The following SLC16A7 variants were observed in gnomAD, a reference collection of about 807,000 sequenced individuals.
The protein encoded by SLC16A7 is solute carrier family 16 member 7, also known as monocarboxylate transporter 2.
In SLC16A7, 33 loss-of-function variants were observed where a neutral mutation model predicts 34.9. The ratio of observed to expected loss-of-function variants is 0.94; its 90% CI spans 0.72 to 1.26. SLC16A7 has a LOEUF of 1.26. SLC16A7 is among the 50% of genes most tolerant of loss of function. The pLI, the probability that SLC16A7 is intolerant of heterozygous loss-of-function variation, is 0.00. For missense variants in SLC16A7, 573 were observed against 578.1 expected (o/e 0.99, Z 0.09); for synonymous variants, 201 against 206.6 (o/e 0.97, Z 0.23).
intron 3 of SLC16A7, among the ~76,000 whole-genome samples, chr12:59,769,738 A>G (rs919159069): frequency 1.3e-5 from 2 of 152,112 alleles, no homozygotes; most frequent in African/African-American, 4.8e-5. Context: ...GTGAATCTCA[A>G]TGTGTTTTAT....
At chr12:59,770,298 C>G (rs1378201813) in intron 3 of SLC16A7, among the ~76,000 whole-genome samples, 1 of 152,074 alleles carries the variant, frequency 6.6e-6, no homozygotes, top group African/African-American at 2.4e-5. Flanking sequence ...TCTGAGTTTT[C>G]AACATTCACA....
chr12:59,745,658 A>G (rs1878814168), intron 3 of SLC16A7, among the ~76,000 whole-genome samples: 1 of 152,224 alleles, frequency 6.6e-6, no homozygotes. Flanking sequence ...TGATACACGC[A>G]CACATAAAAA....
In SLC16A7 at chr12:59,775,282, C is replaced by G; in HGVS notation, c.987C>G (p.Leu329=). The G allele has an allele frequency of 1.2e-6, 2 of 1,614,152 alleles. No individual in the cohort carries two copies. The highest frequency in any genetic ancestry group is 1.7e-6 in the Non-Finnish European group (2 of 1,179,992). The part of the protein sequence containing the change: ...FAIMFNGVCH[L]LCPLAQDYTS... ...TCATGTTCAATGGAGTGTGTCACCT[C>G]TTGTGCCCACTGGCACAGGACTACA... Residue 329 remains leucine (L), a synonymous_variant, in exon 5 of 6, where the codon CTC becomes CTG. Transcript: ENST00000547379.
intron 2 of SLC16A7, among the ~76,000 whole-genome samples, chr12:59,687,904 G>T (rs1871282041): frequency 6.6e-6 from 1 of 152,044 alleles, no homozygotes. Context: ...CAATGGATGG[G>T]GGCTATACTT....
At chr12:59,708,730 A>G (rs1873875201) in intron 3 of SLC16A7, among the ~76,000 whole-genome samples, 1 of 151,674 alleles carries the variant, frequency 6.6e-6, no homozygotes, top group Non-Finnish European at 1.5e-5. Flanking sequence ...CTGTGATGTC[A>G]GGACTGGAGT....
At position 59,784,540 on chromosome 12, in the gene SLC16A7, A is replaced by T. The variant is rs1396368282; in HGVS notation, c.*4861A>T. On this transcript the variant is annotated 3_prime_UTR_variant, in exon 6 of 6. Coordinates refer to ENST00000547379, the MANE Select transcript of SLC16A7 (RefSeq NM_001270623.2). Reference sequence around the variant, plus strand: ...TAATTTTCATCATTTAATACAACTTACCCTACACCGTAGCTTATTTTTCAA... The same window carrying T: ...TAATTTTCATCATTTAATACAACTTTCCCTACACCGTAGCTTATTTTTCAA... 6.6e-6 allele frequency: 1 copy of T among 152,148 alleles called. No individual in the cohort carries two copies. Among genetic ancestry groups the T allele is most frequent in the Non-Finnish European group, 1.5e-5 (1 of 68,036 alleles). 9.4% of individuals were successfully genotyped at this position (152,148 alleles called of 1,614,324 possible).
chr12:59,618,276 C>T (rs180953333), intron 1 of SLC16A7, among the ~76,000 whole-genome samples: 54 of 152,056 alleles, frequency 3.6e-4, no homozygotes, highest in African/African-American at 1.2e-3. Context: ...CCACATACCA[C>T]GTACTTAAAC....
At chr12:59,612,974 C>G (rs1006018952) in intron 1 of SLC16A7, among the ~76,000 whole-genome samples, 2 of 152,226 alleles carry the variant, frequency 1.3e-5, no homozygotes, top group African/African-American at 4.8e-5. Context: ...GCCTATTACC[C>G]AGTTCCAAAG....
chr12:59,754,907 C>T (rs1289738016), intron 3 of SLC16A7, among the ~76,000 whole-genome samples: 1 of 152,142 alleles, frequency 6.6e-6, no homozygotes, highest in Non-Finnish European at 1.5e-5. Context: ...AGTTTATCCA[C>T]CATGATCAAG....
intron 1 of SLC16A7, among the ~76,000 whole-genome samples, chr12:59,640,205 G>C (rs1880616866): frequency 6.6e-6 from 1 of 152,048 alleles, no homozygotes; most frequent in African/African-American, 2.4e-5. Context: ...AATTTAAATG[G>C]TTGTAAGGAA....
At chr12:59,673,248 A>C (rs1870035520) in intron 2 of SLC16A7, among the ~76,000 whole-genome samples, 1 of 152,186 alleles carries the variant, frequency 6.6e-6, no homozygotes, top group South Asian at 2.1e-4. Flanking sequence ...CTGAGTGTAG[A>C]ACATTTGCTG....
chr12:59,697,530 G>C (rs1201848109), intron 2 of SLC16A7, among the ~76,000 whole-genome samples: 2 of 151,772 alleles, frequency 1.3e-5, no homozygotes, highest in Non-Finnish European at 2.9e-5. Context: ...GTCCTTTTCT[G>C]AATTTGGATG....
intron 1 of SLC16A7, among the ~76,000 whole-genome samples, chr12:59,610,568 C>A (rs1211075840): frequency 2.0e-5 from 3 of 152,066 alleles, no homozygotes; most frequent in African/African-American, 7.2e-5. Context: ...CAAAAAAAAC[C>A]TTAATAATTT....
At chr12:59,641,247 T>C (rs1205553015) in intron 1 of SLC16A7, among the ~76,000 whole-genome samples, 2 of 152,076 alleles carry the variant, frequency 1.3e-5, no homozygotes, top group Admixed American at 1.3e-4. Flanking sequence ...CTTATTCTTA[T>C]AATCCTTTTT....
intron 2 of SLC16A7, among the ~76,000 whole-genome samples, chr12:59,702,198 G>T (rs753306419): frequency 1.6e-4 from 24 of 151,582 alleles, no homozygotes; most frequent in Non-Finnish European, 3.0e-4. Context: ...TTTTCAACTG[G>T]TTTCACTAAT....
In SLC16A7 at chr12:59,781,458, A is replaced by G. The variant is rs1883239548; in HGVS notation, c.*1779A>G. The G allele has an allele frequency of 6.6e-6, 1 of 152,572 alleles. No homozygotes were observed. The highest frequency in any genetic ancestry group is 6.6e-5 in the Admixed American group (1 of 15,246). 9.5% of individuals were successfully genotyped at this position (152,572 alleles called of 1,614,324 possible). On this transcript the variant is annotated 3_prime_UTR_variant, in exon 6 of 6. Transcript: ENST00000547379. ...TTAACATTAAACATTTGATTCATAA[A>G]GTTAATTCACTGCTTAAGCATGTGG...
chr12:59,634,990 C>A (rs1293682114), intron 1 of SLC16A7, among the ~76,000 whole-genome samples: 1 of 151,974 alleles, frequency 6.6e-6, no homozygotes, highest in East Asian at 1.9e-4. Context: ...ATGCAACTAC[C>A]CCTTTAGAAC....
At chr12:59,620,592 T>A (rs1879656306) in intron 1 of SLC16A7, among the ~76,000 whole-genome samples, 1 of 151,940 alleles carries the variant, frequency 6.6e-6, no homozygotes, top group Non-Finnish European at 1.5e-5. Context: ...GGTGCCTGTA[T>A]TTTCATCCTC....
chr12:59,770,692 G>T (rs1762647386), intron 3 of SLC16A7, among the ~76,000 whole-genome samples: 1 of 152,264 alleles, frequency 6.6e-6, no homozygotes, highest in Middle Eastern at 3.4e-3. Context: ...ATGATAGGAT[G>T]TGAAAACAAT....
Sources: allele counts gnomAD v4.1 joint callset (sites outside exome capture counted in the v4.1 genomes callset), GRCh38; gene constraint gnomAD v4.1.1; transcripts MANE v1.5; gene names NCBI Gene and HGNC (gene_info 2026-07-23, HGNC 2026-07-21).